The following MAP1LC3A variants were observed in gnomAD, a reference collection of about 807,000 sequenced individuals.
The protein encoded by MAP1LC3A is microtubule-associated protein 1 light chain 3 alpha.
A neutral mutation model predicts 15.2 loss-of-function variants in MAP1LC3A; 10 were observed. That is an observed-to-expected ratio of 0.66 (90% CI 0.41 to 1.12). The LOEUF is 1.12. Ranked by LOEUF, MAP1LC3A falls within the 50% of genes most tolerant of loss-of-function variation. The probability of loss-of-function intolerance (pLI) is 0.00; values close to 1 mark genes in which losing one functional copy is unlikely to be tolerated. For synonymous variants in MAP1LC3A, 63 were observed against 64.3 expected (o/e 0.98, Z 0.10); for missense variants, 138 against 167.3 (o/e 0.82, Z 0.97).
chr20:34,550,081 G>C, intron 2 of MAP1LC3A: 1 of 1,569,664 alleles, frequency 6.4e-7, no homozygotes, highest in Non-Finnish European at 8.8e-7. Context: ...CCTATGGTCT[G>C]TCCACACTCG....
chr20:34,558,798 G>GGAGCCCCCA lies in MAP1LC3A; in HGVS notation c.-70_-62dup, dbSNP rs1028838603. 8.5e-5 allele frequency: 117 copies of GGAGCCCCCA among 1,370,078 alleles called. No homozygotes were observed. The highest frequency in any genetic ancestry group is 1.1e-4 in the Non-Finnish European group (114 of 1,070,980). 84.9% of individuals were successfully genotyped at this position (1,370,078 alleles called of 1,614,324 possible). A position where few individuals can be genotyped will look rare whatever the true frequency, so the allele number is the denominator to read the frequency against. On this transcript the variant is annotated 5_prime_UTR_variant, in exon 1 of 4. Transcript: ENST00000360668. The surrounding 1 kb of genome is among the most constrained non-coding windows in gnomAD (Gnocchi z 4.3). ...CTTGAGCGCGAGGCGCGGAGCCCCC[G>GGAGCCCCCA]GAGCCCCCAAACCGCAGACACATCC...
chr20:34,554,938 A>T (rs1461776984), upstream of MAP1LC3A, among the ~76,000 whole-genome samples: 1 of 147,580 alleles, frequency 6.8e-6, no homozygotes, highest in South Asian at 2.1e-4. Flanking sequence ...CAACTCCTGG[A>T]CTCAAGTGAT....
chr20:34,550,999 G>A (rs1230319873), intron 2 of MAP1LC3A, among the ~76,000 whole-genome samples: 1 of 151,956 alleles, frequency 6.6e-6, no homozygotes, highest in East Asian at 1.9e-4. Flanking sequence ...TGTAATCTCA[G>A]CACTTTAGGA....
intron 1 of MAP1LC3A, among the ~76,000 whole-genome samples, chr20:34,547,586 T>C (rs1981786569): frequency 6.6e-6 from 1 of 151,960 alleles, no homozygotes; most frequent in African/African-American, 2.4e-5. Flanking sequence ...GGTTCCCCCA[T>C]GCTCTTCCCG....
Position 34,558,802 on chromosome 20 carries a change from C to T in MAP1LC3A, c.-67C>T. ...AGCGCGAGGCGCGGAGCCCCCGGAG[C>T]CCCCAAACCGCAGACACATCCCCGC... On this transcript the variant is annotated 5_prime_UTR_variant, in exon 1 of 4. Coordinates refer to ENST00000360668, the MANE Select transcript of MAP1LC3A (RefSeq NM_032514.4). This position sits in a 1 kb window ranked among gnomAD's most constrained non-coding sequence, Gnocchi z 4.3. The T allele has an allele frequency of 7.3e-7, 1 of 1,376,990 alleles. No homozygotes were observed. The highest frequency in any genetic ancestry group is 9.3e-7 in the Non-Finnish European group (1 of 1,074,524). 85.3% of individuals were successfully genotyped at this position (1,376,990 alleles called of 1,614,324 possible).
At chr20:34,551,486 T>TG (rs1981947704) in intron 2 of MAP1LC3A, among the ~76,000 whole-genome samples, 1 of 148,128 alleles carries the variant, frequency 6.8e-6, no homozygotes, top group Admixed American at 6.7e-5. Flanking sequence ...TTTTTTTTTT[T>TG]TTTGAGTCTT....
At position 34,559,895 on chromosome 20, in the gene MAP1LC3A, C is replaced by T. The variant is rs1031176325; in HGVS notation, c.363C>T (p.Phe121=). The stretch of plus-strand genomic sequence containing the variant: ...ACGCCTCCCAGGAAACCTTCGGCTT[C>T]TGAGCCAGCAGTAGGGGGGCTCGGC... ...MVYASQETFG[F] The change falls in exon 4 of 4, where the codon TTC becomes TTT. Residue 121 remains phenylalanine, a synonymous_variant. Transcript: ENST00000360668. 7 of 1,610,044 alleles carry T rather than the reference C, an allele frequency of 4.3e-6. No homozygotes were observed. Among genetic ancestry groups the T allele is most frequent in the African/African-American group, 2.7e-5 (2 of 74,780 alleles).
intron 1 of MAP1LC3A, 117 bp from the exon 2 acceptor site, chr20:34,559,091 G>T: frequency 7.5e-7 from 1 of 1,333,938 alleles, no homozygotes; most frequent in Non-Finnish European, 9.7e-7. Flanking sequence ...TGTGGGGCCT[G>T]ATGGCCCCGG....
At position 34,560,071 on chromosome 20, in the gene MAP1LC3A, C is replaced by A. The variant is rs1044027319; in HGVS notation, c.*173C>A. 5.1e-5 allele frequency: 20 copies of A among 389,594 alleles called. No homozygotes were observed. In the East Asian group the frequency reaches 1.5e-3, roughly 28 times the overall value. 24.1% of individuals were successfully genotyped at this position (389,594 alleles called of 1,614,324 possible). On this transcript the variant is annotated 3_prime_UTR_variant, in exon 4 of 4. Coordinates refer to ENST00000360668, the MANE Select transcript of MAP1LC3A (RefSeq NM_032514.4). The stretch of plus-strand genomic sequence containing the variant: ...CTCTGCCCCTGGGTGGATCCTGGGC[C>A]GGTCGTGTTAGGGTTGTCCCTCTGG...
At chr20:34,548,211 G>A (rs1432447888) in intron 1 of MAP1LC3A, among the ~76,000 whole-genome samples, 2 of 152,226 alleles carry the variant, frequency 1.3e-5, no homozygotes, top group Non-Finnish European at 2.9e-5. Flanking sequence ...GAGTTCGGAG[G>A]CAGCCTTTGT....
chr20:34,558,745 C>T lies in MAP1LC3A; in HGVS notation c.-124C>T, dbSNP rs1982262847. The T allele has an allele frequency of 7.6e-7, 1 of 1,314,300 alleles. No homozygotes were observed. Among genetic ancestry groups the T allele is most frequent in the Non-Finnish European group, 9.6e-7 (1 of 1,037,106 alleles). 81.4% of individuals were successfully genotyped at this position (1,314,300 alleles called of 1,614,324 possible). A position where few individuals can be genotyped will look rare whatever the true frequency, so the allele number is the denominator to read the frequency against. On this transcript the variant is annotated 5_prime_UTR_variant, in exon 1 of 4. Transcript: ENST00000360668. The surrounding 1 kb of genome is among the most constrained non-coding windows in gnomAD (Gnocchi z 4.3). ...GCGAGTTACCTCCCGCAGCCGCAGCCGCCGTGCTCAGCGCGAGCCCCGGAG... is the reference window on the plus strand; with the variant it reads ...GCGAGTTACCTCCCGCAGCCGCAGCTGCCGTGCTCAGCGCGAGCCCCGGAG...
At chr20:34,551,267 A>T (rs527916000) in intron 2 of MAP1LC3A, among the ~76,000 whole-genome samples, 1 of 151,704 alleles carries the variant, frequency 6.6e-6, no homozygotes, top group Non-Finnish European at 1.5e-5. Context: ...AAGCCTACTG[A>T]TACCTGCAAC....
chr20:34,549,922 G>A, exon 2 of MAP1LC3A: 1 of 1,537,868 alleles, frequency 6.5e-7, no homozygotes, highest in Non-Finnish European at 9.0e-7. Context: ...TGGCTTCCGA[G>A]TTGCTGACTG....
intron 2 of MAP1LC3A, among the ~76,000 whole-genome samples, chr20:34,553,103 C>T (rs1351563529): frequency 2.0e-5 from 3 of 152,096 alleles, no homozygotes. Flanking sequence ...GCAGGAGAAT[C>T]GCTTGAAGGT....
chr20:34,556,776 T>G (rs1982175975), upstream of MAP1LC3A, among the ~76,000 whole-genome samples: 1 of 152,212 alleles, frequency 6.6e-6, no homozygotes, highest in African/African-American at 2.4e-5. Flanking sequence ...AATCTTTGTA[T>G]TTTTAGTAGA....
chr20:34,559,300 C>G, intron 2 of MAP1LC3A, 37 bp downstream of exon 2: 3 of 1,579,340 alleles, frequency 1.9e-6, no homozygotes, highest in Non-Finnish European at 2.6e-6. Context: ...CCGCCCCCGC[C>G]TCGCGCGTTC....
At position 34,560,234 on chromosome 20, in the gene MAP1LC3A, G is replaced by C. The variant is rs958714988; in HGVS notation, c.*336G>C. ...GAGGCTCTGCCCACCGCCTGGACCT[G>C]CCCACCCCTGAAAGACTGGCCCCTG... On this transcript the variant is annotated 3_prime_UTR_variant, in exon 4 of 4. Transcript: ENST00000360668. The C allele has an allele frequency of 3.8e-6, 1 of 264,100 alleles. No homozygotes were observed. Among genetic ancestry groups the C allele is most frequent in the Non-Finnish European group, 7.3e-6 (1 of 136,896 alleles). The allele number at this position is 264,100 out of a possible 1,614,324, so 16.4% of individuals were successfully genotyped here. A position where few individuals can be genotyped will look rare whatever the true frequency, so the allele number is the denominator to read the frequency against.
At chr20:34,548,064 T>A (rs1340551017) in intron 1 of MAP1LC3A, among the ~76,000 whole-genome samples, 2 of 151,850 alleles carry the variant, frequency 1.3e-5, no homozygotes, top group African/African-American at 4.8e-5. Context: ...ACAGATGGGC[T>A]TGAGAGGACT....
At chr20:34,556,789 CAG>C (rs1982176887), upstream of MAP1LC3A, among the ~76,000 whole-genome samples, 1 of 152,176 alleles carries the variant, frequency 6.6e-6, no homozygotes, top group Non-Finnish European at 1.5e-5. Context: ...TTAGTAGAGA[CAG>C]AGTTTTGCCA....
Sources: allele counts gnomAD v4.1 joint callset (sites outside exome capture counted in the v4.1 genomes callset), GRCh38; gene constraint gnomAD v4.1.1; non-coding constraint Gnocchi (gnomAD v3.1); transcripts MANE v1.5; gene names NCBI Gene and HGNC (gene_info 2026-07-23, HGNC 2026-07-21).